The following TENM2 variants were observed in gnomAD, a reference collection of about 807,000 sequenced individuals.
TENM2 encodes teneurin-2.
Under a neutral mutation model 245.2 loss-of-function variants are expected in TENM2, and 52 were observed. That is an observed-to-expected ratio of 0.21 (90% confidence interval 0.17 to 0.27). The LOEUF (loss-of-function observed/expected upper bound fraction) is 0.27. Among genes scored for constraint, TENM2 ranks in the 10% least tolerant of loss-of-function variants. The pLI is 1.00. For synonymous variants in TENM2, 1,363 were observed against 1,438.9 expected, an observed-to-expected ratio of 0.95 and a Z score of 1.19; for missense variants, 3,046 against 3,666.8, an observed-to-expected ratio of 0.83 and a Z score of 4.37.
chr5:167,430,235 C>T, intron 2 of TENM2, among the ~76,000 whole-genome samples: 1 of 152,136 alleles, frequency 6.6e-6, no homozygotes, highest in East Asian at 1.9e-4. Flanking sequence ...AGATTGAATC[C>T]TGACTCTGCC....
chr5:166,981,718 C>T, the TENM2 span, among the ~76,000 whole-genome samples: 27 of 152,174 alleles, frequency 1.8e-4, no homozygotes, highest in Non-Finnish European at 2.8e-4. Context: ...TCACTAGACT[C>T]GAAGACTATG....
At chr5:167,246,553 T>C in the TENM2 span, among the ~76,000 whole-genome samples, 1 of 152,122 alleles carries the variant, frequency 6.6e-6, no homozygotes, top group South Asian at 2.1e-4. Flanking sequence ...TTTATCTAAA[T>C]GTCTGTATAT....
chr5:167,767,458 A>T (rs985784699), intron 2 of TENM2, among the ~76,000 whole-genome samples: 5 of 152,140 alleles, frequency 3.3e-5, no homozygotes, highest in Admixed American at 1.3e-4. Flanking sequence ...AAGACAAAAG[A>T]CCTCCGGAGA....
chr5:168,072,942 T>G (rs1581221602), intron 7 of TENM2, among the ~76,000 whole-genome samples: 1 of 152,162 alleles, frequency 6.6e-6, no homozygotes, highest in Non-Finnish European at 1.5e-5. Context: ...GACTCTAGTA[T>G]AGACTGCAGA....
intron 7 of TENM2, among the ~76,000 whole-genome samples, chr5:168,077,794 A>G (rs1282096833): frequency 6.6e-6 from 1 of 152,164 alleles, no homozygotes; most frequent in Non-Finnish European, 1.5e-5. Context: ...TCCATGGTGT[A>G]TATGTGCCAT....
chr5:167,456,896 C>T (rs999333274), intron 2 of TENM2, among the ~76,000 whole-genome samples: 2 of 152,106 alleles, frequency 1.3e-5, no homozygotes, highest in Non-Finnish European at 2.9e-5. Flanking sequence ...GCTGCAGCTC[C>T]GAAAAGCGCT....
chr5:167,318,332 AATG>A (rs984097640), intron 1 of TENM2, among the ~76,000 whole-genome samples: 1 of 152,156 alleles, frequency 6.6e-6, no homozygotes, highest in African/African-American at 2.4e-5. Context: ...ATGTTAGAAA[AATG>A]AGGAGCACAG....
At chr5:167,660,019 T>C (rs1755101301) in intron 2 of TENM2, 1 of 152,150 alleles carries the variant, frequency 6.6e-6, no homozygotes. Flanking sequence ...AATTATATGA[T>C]GTATCTGAAC....
chr5:167,036,457 C>A, the TENM2 span, among the ~76,000 whole-genome samples: 1 of 152,196 alleles, frequency 6.6e-6, no homozygotes, highest in East Asian at 1.9e-4. Context: ...TCTTCAAAAT[C>A]TTGGCTTTTC....
At chr5:168,011,377 G>A (rs1053557142) in intron 5 of TENM2, among the ~76,000 whole-genome samples, 3 of 152,098 alleles carry the variant, frequency 2.0e-5, no homozygotes, top group African/African-American at 4.8e-5. Context: ...TGTTTGTCAC[G>A]ACTGGGAGAT....
In TENM2 at chr5:167,340,986, C is replaced by T. The variant is rs185132302; in HGVS notation, c.227-34212C>T. Among the ~76,000 whole-genome samples, 25 of 151,790 alleles carry T rather than the reference C, an allele frequency of 1.6e-4. No homozygotes were observed. The East Asian group carries it at 2.7e-3, about 16-fold the overall frequency. On this transcript the variant is annotated intron_variant, in intron 1 of 28. Transcript: ENST00000518659. The stretch of plus-strand genomic sequence containing the variant: ...GGCTGTCATGCTTTCTCTCTCCTCC[C>T]GTCCCTCTTGGTTTGCAGACCCTCT...
intron 25 of TENM2, among the ~76,000 whole-genome samples, chr5:168,230,212 C>CAACA (rs1764724585): frequency 6.6e-6 from 1 of 152,200 alleles, no homozygotes; most frequent in Non-Finnish European, 1.5e-5. Flanking sequence ...TTTTATCTAT[C>CAACA]AACACCTCAA....
intron 3 of TENM2, among the ~76,000 whole-genome samples, chr5:167,894,558 T>C (rs1203327302): frequency 6.6e-6 from 1 of 152,128 alleles, no homozygotes; most frequent in Non-Finnish European, 1.5e-5. Flanking sequence ...TCTTTCCCCC[T>C]ATCTTTCCAT....
chr5:167,029,141 T>C, the TENM2 span, among the ~76,000 whole-genome samples: 1 of 152,218 alleles, frequency 6.6e-6, no homozygotes, highest in Non-Finnish European at 1.5e-5. Context: ...GTCATTTTAA[T>C]TGTATGGCTT....
chr5:167,806,845 C>T (rs1400321739), intron 2 of TENM2, among the ~76,000 whole-genome samples: 4 of 151,916 alleles, frequency 2.6e-5, no homozygotes, highest in African/African-American at 9.7e-5. Flanking sequence ...AAACAAAGTT[C>T]CCAGTTGTCC....
chr5:167,537,653 C>T (rs965309580), intron 2 of TENM2, among the ~76,000 whole-genome samples: 4 of 152,170 alleles, frequency 2.6e-5, no homozygotes, highest in Non-Finnish European at 4.4e-5. Flanking sequence ...TGACTGTGAA[C>T]GAATCTGAGC....
chr5:167,827,755 A>G (rs778095465), intron 2 of TENM2, among the ~76,000 whole-genome samples: 2 of 152,112 alleles, frequency 1.3e-5, no homozygotes, highest in African/African-American at 2.4e-5. Context: ...TGAAAGAACT[A>G]TACAAAAAGT....
At chr5:167,131,340 G>A in the TENM2 span, among the ~76,000 whole-genome samples, 3 of 152,194 alleles carry the variant, frequency 2.0e-5, no homozygotes, top group Admixed American at 2.0e-4. Context: ...ATATGTGCCA[G>A]GCCTTTGGCA....
rs1554226880 is a variant in TENM2 at position 168,226,075 on chromosome 5, T to TATCTCC, written c.5109-12_5109-7dup. On this transcript the variant is annotated splice_polypyrimidine_tract_variant and intron_variant, in intron 23 of 28. Transcript: ENST00000518659. ...GCTAACCAGGGTTTATCTATCTATC[T>TATCTCC]ATCTCCCCCCAGCTATGACCACGAA... 2.5e-6 allele frequency: 4 copies of TATCTCC among 1,610,574 alleles called. No individual in the cohort carries two copies. The highest frequency in any genetic ancestry group is 3.4e-6 in the Non-Finnish European group (4 of 1,178,720).
Sources: allele counts gnomAD v4.1 joint callset (sites outside exome capture counted in the v4.1 genomes callset), GRCh38; gene constraint gnomAD v4.1.1; transcripts MANE v1.5; gene names NCBI Gene and HGNC (gene_info 2026-07-23, HGNC 2026-07-21).